MAPK10: variants seen among roughly 807,000 people sequenced by gnomAD.
The protein encoded by MAPK10 is JNK3 alpha protein kinase.
MAPK10 carries 25 observed loss-of-function variants against 59.3 expected under a neutral mutation model. The observed-to-expected ratio is 0.42, with a 90% CI of 0.31 to 0.59. The LOEUF (loss-of-function observed/expected upper bound fraction) is 0.59. Ranked by LOEUF, MAPK10 falls within the 20% of genes least tolerant of loss-of-function variation. The probability of loss-of-function intolerance (pLI) is 0.15; values close to 1 mark genes in which losing one functional copy is unlikely to be tolerated. For missense variants in MAPK10, 351 were observed against 568.9 expected (o/e 0.62, Z 3.90); for synonymous variants, 190 against 200.5 (o/e 0.95, Z 0.44).
intron 2 of MAPK10, among the ~76,000 whole-genome samples, chr4:86,292,332 C>G (rs954511091): frequency 1.3e-5 from 2 of 152,092 alleles, no homozygotes; most frequent in African/African-American, 4.8e-5. Flanking sequence ...TGATGAAGCA[C>G]AATCCTCATC....
intron 1 of MAPK10, among the ~76,000 whole-genome samples, chr4:86,440,210 A>G (rs1057090364): frequency 7.2e-5 from 11 of 152,320 alleles, no homozygotes; most frequent in African/African-American, 2.4e-4. Flanking sequence ...AAAAATGGGC[A>G]TGTTCTTTGA....
chr4:86,547,741 C>A (rs1759350680), intron 1 of MAPK10, among the ~76,000 whole-genome samples: 1 of 152,204 alleles, frequency 6.6e-6, no homozygotes, highest in African/African-American at 2.4e-5. Flanking sequence ...ACCTTTATAT[C>A]TAGCTAAGGG....
intron 2 of MAPK10, among the ~76,000 whole-genome samples, chr4:86,348,847 C>G (rs911792550): frequency 6.6e-6 from 1 of 152,088 alleles, no homozygotes; most frequent in Non-Finnish European, 1.5e-5. Context: ...CGCTGCCACC[C>G]TCCACCTCGA....
intron 1 of MAPK10, among the ~76,000 whole-genome samples, chr4:86,375,360 A>G (rs1739617255): frequency 6.6e-6 from 1 of 152,210 alleles, no homozygotes; most frequent in Admixed American, 6.5e-5. Context: ...AGAACTTGCA[A>G]GAGCTTGCAG....
At chr4:86,494,842 CAAAAAAAAAAAAAAAAAAAAAAAAA>C (rs567947232) in intron 1 of MAPK10, among the ~76,000 whole-genome samples, 2 of 23,988 alleles carry the variant, frequency 8.3e-5, no homozygotes, top group Non-Finnish European at 1.3e-4. Flanking sequence ...GACTCCGTCT[CAAAAAAAAAAAAAAAAAAAAAAAAA>C]AAAAAAAAAA....
chr4:86,140,285 A>G lies in MAPK10; in HGVS notation c.236+19013T>C, dbSNP rs1392612516. Among the ~76,000 whole-genome samples the G allele has an allele frequency of 2.9e-3, 363 of 126,752 alleles. 1 individual carries two copies. Among genetic ancestry groups the G allele is most frequent in the African/African-American group, 0.012 (315 of 26,374 alleles). 83.2% of individuals were successfully genotyped at this position (126,752 alleles called of 152,430 possible). A position where few individuals can be genotyped will look rare whatever the true frequency, so the allele number is the denominator to read the frequency against. On this transcript the variant is annotated intron_variant, in intron 4 of 13. Transcript: ENST00000641462. ...ATAGCAAAGACTTGGAACCAACCCA[A>G]ATGTCCAACAATGATAGACTGGATT...
intron 4 of MAPK10, among the ~76,000 whole-genome samples, chr4:86,118,579 T>C (rs73837409): frequency 2.7e-5 from 4 of 146,246 alleles, no homozygotes; most frequent in Admixed American, 6.8e-5. Context: ...TAAATACACA[T>C]ACACACACAC....
At chr4:86,154,366 T>C (rs532830981) in intron 4 of MAPK10, among the ~76,000 whole-genome samples, 8 of 152,098 alleles carry the variant, frequency 5.3e-5, no homozygotes, top group Admixed American at 3.9e-4. Context: ...GGATGAAAGA[T>C]AGGAGAAAAA....
intron 1 of MAPK10, among the ~76,000 whole-genome samples, chr4:86,497,684 G>A (rs1425125520): frequency 2.6e-5 from 4 of 152,148 alleles, no homozygotes; most frequent in African/African-American, 4.8e-5. Context: ...TTCTGGAAAG[G>A]AGGAAAGAAA....
At chr4:86,320,392 C>T (rs2095865915) in intron 2 of MAPK10, among the ~76,000 whole-genome samples, 2 of 152,186 alleles carry the variant, frequency 1.3e-5, no homozygotes, top group Admixed American at 6.5e-5. Context: ...TTCACAGTTT[C>T]AGCAGTGAGG....
chr4:86,265,284 G>A lies in MAPK10; in HGVS notation c.-6-70877C>T, dbSNP rs111508662. ...AATCCCAGCACTTTGGGAGGCAGGT[G>A]TATCACTTGAGGTCAGGAGTTTGAG... On this transcript the variant is annotated intron_variant, in intron 2 of 13. Transcript: ENST00000641462. Among the ~76,000 whole-genome samples the A allele has an allele frequency of 1.5e-3, 229 of 152,080 alleles. 1 individual carries two copies. The highest frequency in any genetic ancestry group is 0.01 in the Middle Eastern group (3 of 294).
intron 2 of MAPK10, among the ~76,000 whole-genome samples, chr4:86,291,352 A>T (rs1310957884): frequency 2.0e-5 from 3 of 152,228 alleles, no homozygotes; most frequent in Non-Finnish European, 4.4e-5. Flanking sequence ...AATCTTTTAC[A>T]GGTCCCGAGT....
intron 2 of MAPK10, among the ~76,000 whole-genome samples, chr4:86,253,488 G>A (rs1384555746): frequency 2.7e-4 from 27 of 101,086 alleles, no homozygotes; most frequent in East Asian, 6.6e-4. Context: ...ATTGATTTGC[G>A]TATATTGAAC....
At chr4:86,434,691 G>T (rs1748476540) in intron 1 of MAPK10, among the ~76,000 whole-genome samples, 1 of 152,198 alleles carries the variant, frequency 6.6e-6, no homozygotes. Flanking sequence ...GTACGCTGTT[G>T]ATGAGAATGT....
chr4:86,054,101 A>G (rs2044078113), intron 11 of MAPK10, among the ~76,000 whole-genome samples: 2 of 152,190 alleles, frequency 1.3e-5, no homozygotes, highest in Admixed American at 1.3e-4. Flanking sequence ...TGTCTCTCCT[A>G]AGAATGAACA....
chr4:86,573,007 T>C (rs990787329), intron 1 of MAPK10, among the ~76,000 whole-genome samples: 1 of 152,230 alleles, frequency 6.6e-6, no homozygotes, highest in Non-Finnish European at 1.5e-5. Flanking sequence ...GTTTTGAAAG[T>C]TCTTCATATA....
At chr4:86,115,213 G>C (rs897788065) in intron 4 of MAPK10, among the ~76,000 whole-genome samples, 3 of 152,210 alleles carry the variant, frequency 2.0e-5, no homozygotes, top group Admixed American at 1.3e-4. Flanking sequence ...TCCACAGGAT[G>C]CACAGATCCA....
At chr4:86,479,174 C>A (rs370115282) in intron 1 of MAPK10, among the ~76,000 whole-genome samples, 2 of 152,126 alleles carry the variant, frequency 1.3e-5, no homozygotes, top group African/African-American at 2.4e-5. Flanking sequence ...CTCGGTTTGG[C>A]CTTCCCACCT....
intron 3 of MAPK10, among the ~76,000 whole-genome samples, chr4:86,173,107 G>GA (rs140687646): frequency 0.096 from 14,418 of 150,684 alleles, 1,396 homozygotes; most frequent in African/African-American, 0.25. Flanking sequence ...CACAGAATTA[G>GA]AAAAAAAAAC....
Sources: gnomAD v4.1 joint callset for allele counts (sites outside exome capture counted in the v4.1 genomes callset) on GRCh38, gnomAD v4.1.1 for gene constraint, MANE v1.5 for transcripts, NCBI Gene and HGNC (gene_info 2026-07-23, HGNC 2026-07-21) for gene names.